HIVEP1: variants seen among roughly 807,000 people sequenced by gnomAD.
The protein encoded by HIVEP1 is HIVEP zinc finger 1.
HIVEP1 carries 36 observed loss-of-function variants against 180.0 expected under a neutral mutation model. That is an observed-to-expected ratio of 0.20 (90% confidence interval 0.15 to 0.26). HIVEP1 has a LOEUF of 0.26. HIVEP1 is among the 10% of genes least tolerant of loss of function. The probability of loss-of-function intolerance (pLI) is 1.00; values close to 1 mark genes in which losing one functional copy is unlikely to be tolerated. For missense variants in HIVEP1, 3,143 were observed against 3,268.7 expected (o/e 0.96, Z 0.94); for synonymous variants, 1,239 against 1,239.0 (o/e 1.00, Z 0.00).
chr6:12,008,483 G>A (rs1767115781), upstream of HIVEP1: 1 of 152,370 alleles, frequency 6.6e-6, no homozygotes, highest in East Asian at 1.9e-4. Flanking sequence ...ATCACTAGAG[G>A]GGTGGATTGT....
rs531902211 is a variant in HIVEP1, at chr6:12,042,013, A to G, written c.40+26345A>G. Among the ~76,000 whole-genome samples the G allele has an allele frequency of 7.4e-5, 11 of 149,600 alleles. No homozygotes were observed. The South Asian group carries it at 2.3e-3, about 31-fold the overall frequency. On this transcript the variant is annotated intron_variant, in intron 2 of 8. Coordinates refer to ENST00000379388, the MANE Select transcript of HIVEP1 (RefSeq NM_002114.4). ...GCTTTTATTTTTGCCATTACAAACG[A>G]CTGCAGTAAACATCCTTACATCCTT...
chr6:12,076,167 G>A (rs1772336172), intron 2 of HIVEP1, among the ~76,000 whole-genome samples: 1 of 152,044 alleles, frequency 6.6e-6, no homozygotes, highest in Non-Finnish European at 1.5e-5. Flanking sequence ...CTTCATTAAA[G>A]AATATTAACT....
chr6:12,140,291 TAACA>T (rs1266471327), intron 7 of HIVEP1, among the ~76,000 whole-genome samples: 17 of 152,062 alleles, frequency 1.1e-4, no homozygotes, highest in Non-Finnish European at 2.9e-5. Flanking sequence ...GGAGGAAAAC[TAACA>T]AACAAAAGGA....
At chr6:12,168,201 T>TTC (rs1403077558), downstream of HIVEP1, among the ~76,000 whole-genome samples, 1 of 92,026 alleles carries the variant, frequency 1.1e-5, no homozygotes, top group Non-Finnish European at 2.2e-5. Flanking sequence ...CGTGTATATA[T>TTC]ACATATATAC....
chr6:12,077,847 C>T (rs1772474999), intron 2 of HIVEP1, among the ~76,000 whole-genome samples: 1 of 152,154 alleles, frequency 6.6e-6, no homozygotes, highest in South Asian at 2.1e-4. Flanking sequence ...TGTTTCTTTT[C>T]TGCTACTCCC....
At chr6:12,028,883 G>A (rs1447022353) in intron 2 of HIVEP1, among the ~76,000 whole-genome samples, 1 of 152,208 alleles carries the variant, frequency 6.6e-6, no homozygotes, top group African/African-American at 2.4e-5. Context: ...ACTGTCAGCT[G>A]CAGGCAATTG....
At chr6:12,073,498 C>G (rs1167056305) in intron 2 of HIVEP1, among the ~76,000 whole-genome samples, 1 of 152,124 alleles carries the variant, frequency 6.6e-6, no homozygotes, top group African/African-American at 2.4e-5. Context: ...CTGTGTCCTC[C>G]AGCTCAGTAA....
At chr6:12,093,554 C>G (rs1383920641) in intron 3 of HIVEP1, among the ~76,000 whole-genome samples, 1 of 151,254 alleles carries the variant, frequency 6.6e-6, no homozygotes, top group Non-Finnish European at 1.5e-5. Context: ...AAAAAATATA[C>G]CTAGTTTTTT....
Position 12,120,265 on chromosome 6 carries a change from G to T in HIVEP1, c.470G>T (p.Ser157Ile). ...RSEGADPAKF[S>I]DLDEQCDSSS... ...GAAGGCGCTGATCCTGCCAAATTCA[G>T]TGACCTCGATGAACAATGTGACTCA... The change falls in exon 4 of 9, where the codon AGT becomes ATT. Residue 157 changes from serine to isoleucine, a missense_variant. This residue lies in a region of HIVEP1 where 306 missense variants were observed against 310.6 expected (regional missense o/e 0.99). Transcript: ENST00000379388. The T allele has an allele frequency of 6.2e-7, 1 of 1,614,166 alleles. No individual in the cohort carries two copies. The highest frequency in any genetic ancestry group is 1.1e-5 in the South Asian group (1 of 91,072).
intron 7 of HIVEP1, among the ~76,000 whole-genome samples, chr6:12,139,624 C>T (rs1758901185): frequency 6.6e-6 from 1 of 152,232 alleles, no homozygotes; most frequent in Non-Finnish European, 1.5e-5. Context: ...AAACGGGACA[C>T]TCCTGCCCAA....
At chr6:12,017,056 T>C (rs1767814603) in intron 2 of HIVEP1, among the ~76,000 whole-genome samples, 1 of 152,254 alleles carries the variant, frequency 6.6e-6, no homozygotes, top group Non-Finnish European at 1.5e-5. Flanking sequence ...ATGATTGATC[T>C]GAAGGTGTTA....
chr6:12,106,593 T>C (rs1230177564), intron 3 of HIVEP1, among the ~76,000 whole-genome samples: 1 of 152,200 alleles, frequency 6.6e-6, no homozygotes, highest in African/African-American at 2.4e-5. Flanking sequence ...TGAACTCTTC[T>C]GTTAGGTATA....
At chr6:12,154,800 C>G (rs1481647862) in intron 7 of HIVEP1, among the ~76,000 whole-genome samples, 1 of 152,148 alleles carries the variant, frequency 6.6e-6, no homozygotes, top group Non-Finnish European at 1.5e-5. Flanking sequence ...CCACATGTAT[C>G]CCTGAACTTA....
chr6:12,031,167 T>C (rs772574558), intron 2 of HIVEP1, among the ~76,000 whole-genome samples: 3 of 152,176 alleles, frequency 2.0e-5, no homozygotes, highest in Non-Finnish European at 4.4e-5. Flanking sequence ...TGCCTGTGGG[T>C]CTGTGTGTGG....
intron 2 of HIVEP1, among the ~76,000 whole-genome samples, chr6:12,026,003 G>T (rs1420343958): frequency 6.6e-6 from 1 of 151,124 alleles, no homozygotes; most frequent in African/African-American, 2.4e-5. Flanking sequence ...CCACACCATT[G>T]CATTCCAGCC....
intron 7 of HIVEP1, among the ~76,000 whole-genome samples, chr6:12,152,415 G>A (rs1230825104): frequency 6.6e-6 from 1 of 151,886 alleles, no homozygotes. Context: ...TAGGGGGCAG[G>A]GGCAGAGGTT....
intron 2 of HIVEP1, among the ~76,000 whole-genome samples, chr6:12,034,976 T>C (rs1769184145): frequency 6.6e-6 from 1 of 152,162 alleles, no homozygotes; most frequent in Non-Finnish European, 1.5e-5. Context: ...CATGTTAGAA[T>C]TGGGAAAAAT....
the HIVEP1 span, among the ~76,000 whole-genome samples, chr6:12,185,746 T>TACC: frequency 1.3e-5 from 2 of 152,198 alleles, no homozygotes; most frequent in Non-Finnish European, 2.9e-5. Flanking sequence ...GTGGCCTATG[T>TACC]ACCACTATAC....
chr6:12,160,839 G>A (rs1253256936), intron 7 of HIVEP1, among the ~76,000 whole-genome samples: 1 of 152,208 alleles, frequency 6.6e-6, no homozygotes, highest in African/African-American at 2.4e-5. Context: ...AAAGTGTGGA[G>A]TAGGATGTGA....
Sources: allele counts gnomAD v4.1 joint callset (sites outside exome capture counted in the v4.1 genomes callset), GRCh38; gene constraint gnomAD v4.1.1; regional missense constraint gnomAD v4.1.1; transcripts MANE v1.5; gene names NCBI Gene and HGNC (gene_info 2026-07-23, HGNC 2026-07-21).